GABRB3: variants seen among roughly 807,000 people sequenced by gnomAD.
GABRB3 encodes the protein gamma-aminobutyric acid type A receptor subunit beta3, also known as gamma-aminobutyric acid receptor subunit beta-3.
Under a neutral mutation model 52.1 loss-of-function variants are expected in GABRB3, and 14 were observed. The observed-to-expected ratio is 0.27, with a 90% confidence interval of 0.18 to 0.42. The LOEUF is 0.42. Among genes scored for constraint, GABRB3 ranks in the 10% least tolerant of loss-of-function variants. The probability of loss-of-function intolerance (pLI) is 1.00; values close to 1 mark genes in which losing one functional copy is unlikely to be tolerated. For missense variants in GABRB3, 307 were observed against 609.1 expected (o/e 0.50, Z 5.22); for synonymous variants, 260 against 232.3 (o/e 1.12, Z -1.08).
chr15:26,722,645 CTT>C, intron 3 of GABRB3, among the ~76,000 whole-genome samples: 1 of 152,330 alleles, frequency 6.6e-6, no homozygotes, highest in Non-Finnish European at 1.5e-5. Flanking sequence ...CTTGGCAACA[CTT>C]TTGACTTTAT....
chr15:26,612,941 C>G (rs1445964352), intron 4 of GABRB3: 1 of 152,118 alleles, frequency 6.6e-6, no homozygotes, highest in Non-Finnish European at 1.5e-5. Flanking sequence ...TAATAAAACC[C>G]CATCTTCACA....
chr15:26,599,456 C>T (rs1422034118), intron 4 of GABRB3, among the ~76,000 whole-genome samples: 1 of 151,932 alleles, frequency 6.6e-6, no homozygotes, highest in African/African-American at 2.4e-5. Flanking sequence ...GCAAAAGGGC[C>T]CAGCCAGGGA....
rs76474895 is a variant in GABRB3 at position 26,623,587 on chromosome 15, C to T, written c.241-2053G>A. On this transcript the variant is annotated intron_variant, in intron 3 of 8. Transcript: ENST00000311550. ...GTCCAGAGGTCTTTTATTTTTTATA[C>T]CTATTATGCCATAAATTCATAGAGC... is the stretch of plus-strand genomic sequence containing the variant. 1.9e-3 allele frequency among the ~76,000 whole-genome samples: 295 copies of T among 152,206 alleles called. 6 individuals are homozygous for T. In the East Asian group the frequency reaches 0.036, roughly 19 times the overall value.
At chr15:26,615,499 T>C in intron 4 of GABRB3, 1 of 956,438 alleles carries the variant, frequency 1.0e-6, no homozygotes, top group Non-Finnish European at 1.2e-6. Context: ...AAATGGCTCA[T>C]GATTTAAAAC....
At chr15:26,741,545 C>T (rs934365815) in intron 3 of GABRB3, among the ~76,000 whole-genome samples, 2 of 152,162 alleles carry the variant, frequency 1.3e-5, no homozygotes, top group African/African-American at 4.8e-5. Context: ...CATGTCCATC[C>T]TACGTATGCT....
At chr15:26,549,868 G>A (rs932087128) in intron 8 of GABRB3, among the ~76,000 whole-genome samples, 9 of 152,068 alleles carry the variant, frequency 5.9e-5, no homozygotes, top group Non-Finnish European at 1.2e-4. Context: ...AAAGAGATTT[G>A]AGCATTTCCT....
chr15:26,628,346 G>T (rs1188379909), intron 3 of GABRB3, among the ~76,000 whole-genome samples: 4 of 152,236 alleles, frequency 2.6e-5, no homozygotes, highest in Non-Finnish European at 4.4e-5. Context: ...CAACTTGGGG[G>T]AGGCGAAGAT....
At chr15:26,678,495 C>CGAGAAAGAAA (rs1236411887) in intron 3 of GABRB3, among the ~76,000 whole-genome samples, 2 of 150,398 alleles carry the variant, frequency 1.3e-5, no homozygotes, top group East Asian at 3.9e-4. Flanking sequence ...TGAGAAAGCA[C>CGAGAAAGAAA]GAGAAAGAAA....
Position 26,606,801 on chromosome 15 carries a change from T to TAG in GABRB3, c.461+14512_461+14513insCT, listed in dbSNP as rs1891832145. Among the ~76,000 whole-genome samples the TAG allele has an allele frequency of 4.1e-5, 2 of 49,042 alleles. 1 individual carries two copies. Among genetic ancestry groups the TAG allele is most frequent in the African/African-American group, 1.0e-4 (2 of 19,438 alleles). 32.2% of individuals were successfully genotyped at this position (49,042 alleles called of 152,430 possible). A position where few individuals can be genotyped will look rare whatever the true frequency, so the allele number is the denominator to read the frequency against. On this transcript the variant is annotated intron_variant, in intron 4 of 8. Transcript: ENST00000311550. The stretch of plus-strand genomic sequence containing the variant: ...AGATAGATATATCTATAGATAGATA[T>TAG]ATCTATAGATAGATAGATAGATAGA...
In GABRB3 at chr15:26,772,713, C is replaced by G. The variant is rs1321425602; in HGVS notation, c.140G>C (p.Gly47Ala). 7 of 1,579,204 alleles carry G rather than the reference C, an allele frequency of 4.4e-6. No homozygotes were observed. The highest frequency in any genetic ancestry group is 5.2e-6 in the Non-Finnish European group (6 of 1,162,534). Residue 47 changes from glycine to alanine, a missense_variant, in exon 2 of 9, where the codon GGC (glycine) becomes GCC (alanine). Physicochemically the swap from Gly to Ala is moderately conservative, Grantham distance 60. Transcript: ENST00000311550. ...VKETVDKLLK[G>A]YDIRLRPDFG... Reference sequence around the variant, plus strand: ...GTCGGGTCTTAGGCGAATGTCGTAGCCTTTCAACAGCTTGTCCACCGTCTC... The same window carrying G: ...GTCGGGTCTTAGGCGAATGTCGTAGGCTTTCAACAGCTTGTCCACCGTCTC...
At chr15:26,762,255 A>G (rs543446007) in intron 3 of GABRB3, among the ~76,000 whole-genome samples, 4 of 152,326 alleles carry the variant, frequency 2.6e-5, no homozygotes, top group African/African-American at 7.2e-5. Context: ...TTTAAAATCA[A>G]TTAATTATAA....
intron 3 of GABRB3, among the ~76,000 whole-genome samples, chr15:26,753,090 C>T (rs964915929): frequency 6.6e-6 from 1 of 152,320 alleles, no homozygotes; most frequent in African/African-American, 2.4e-5. Flanking sequence ...AACCTCAGAA[C>T]TCCCTAACTT....
chr15:26,597,623 T>C (rs746106716), intron 4 of GABRB3, among the ~76,000 whole-genome samples: 8 of 152,154 alleles, frequency 5.3e-5, no homozygotes, highest in Non-Finnish European at 1.2e-4. Context: ...AAGATGACCA[T>C]GAAGGATACA....
intron 3 of GABRB3, chr15:26,658,854 G>A (rs1887455291): frequency 6.6e-6 from 1 of 152,162 alleles, no homozygotes; most frequent in Non-Finnish European, 1.5e-5. Context: ...CAATTGAAAC[G>A]GAACCCTCAA....
chr15:26,663,442 C>T (rs1432036738), intron 3 of GABRB3, among the ~76,000 whole-genome samples: 1 of 152,180 alleles, frequency 6.6e-6, no homozygotes, highest in Non-Finnish European at 1.5e-5. Context: ...TATGTCTAAT[C>T]GCTACACTGA....
At chr15:26,742,780 T>C (rs755910291) in intron 3 of GABRB3, among the ~76,000 whole-genome samples, 7 of 152,210 alleles carry the variant, frequency 4.6e-5, no homozygotes, top group Non-Finnish European at 7.3e-5. Context: ...TTCTCACCCA[T>C]GTATTCTGTC....
intron 6 of GABRB3, among the ~76,000 whole-genome samples, chr15:26,568,296 G>A (rs1324530734): frequency 6.6e-6 from 1 of 152,110 alleles, no homozygotes; most frequent in Non-Finnish European, 1.5e-5. Flanking sequence ...TTCGGCCACA[G>A]AAGAGGCATT....
intron 3 of GABRB3, among the ~76,000 whole-genome samples, chr15:26,663,538 T>TTA (rs1887613059): frequency 6.6e-6 from 1 of 152,242 alleles, no homozygotes; most frequent in Non-Finnish European, 1.5e-5. Context: ...TTTTTAAAAG[T>TTA]TAGTGCCTGC....
chr15:26,733,865 C>G (rs925664927), intron 3 of GABRB3, among the ~76,000 whole-genome samples: 1 of 152,112 alleles, frequency 6.6e-6, no homozygotes, highest in Non-Finnish European at 1.5e-5. Flanking sequence ...GGAGTCAAGA[C>G]TGTTCAATAG....
Sources: gnomAD v4.1 joint callset for allele counts (sites outside exome capture counted in the v4.1 genomes callset) on GRCh38, gnomAD v4.1.1 for gene constraint, MANE v1.5 for transcripts, NCBI Gene and HGNC (gene_info 2026-07-23, HGNC 2026-07-21) for gene names.